MORC2: variants seen among roughly 807,000 people sequenced by gnomAD.
MORC2 encodes the protein ATPase MORC2.
MORC2 carries 30 observed loss-of-function variants against 136.0 expected under a neutral mutation model. That is an observed-to-expected ratio of 0.22 (90% CI 0.17 to 0.30). The LOEUF (loss-of-function observed/expected upper bound fraction) is 0.30. Ranked by LOEUF, MORC2 falls within the 10% of genes least tolerant of loss-of-function variation. MORC2 has a pLI of 1.00. For synonymous variants in MORC2, 439 were observed against 487.0 expected, an observed-to-expected ratio of 0.90 and a Z score of 1.30; for missense variants, 922 against 1,333.1, an observed-to-expected ratio of 0.69 and a Z score of 4.80.
intron 1 of MORC2, chr22:30,967,265 T>C (rs2041142129): frequency 1.0e-6 from 1 of 986,576 alleles, no homozygotes; most frequent in Non-Finnish European, 1.2e-6. Flanking sequence ...ACTATCTAAA[T>C]AGAGATATAA....
At chr22:30,928,309 G>T in intron 24 of MORC2, 102 bp from the exon 25 acceptor site, 2 of 1,161,128 alleles carry the variant, frequency 1.7e-6, no homozygotes, top group Non-Finnish European at 2.5e-6. Context: ...ACCCAAGGAT[G>T]CCTGGTCTGA....
intron 6 of MORC2, among the ~76,000 whole-genome samples, chr22:30,945,740 C>T (rs543324215): frequency 6.6e-6 from 1 of 152,330 alleles, no homozygotes; most frequent in East Asian, 1.9e-4. Context: ...TTAGTCCTTC[C>T]TTCCAGCATA....
chr22:30,937,648 G>A lies in MORC2; in HGVS notation c.1433C>T (p.Pro478Leu). The A allele has an allele frequency of 6.2e-7, 1 of 1,613,972 alleles. No individual in the cohort carries two copies. Among genetic ancestry groups the A allele is most frequent in the Non-Finnish European group, 8.5e-7 (1 of 1,180,026 alleles). Residue 478 changes from proline (P) to leucine (L), a missense_variant, in exon 15 of 26, where the codon CCC (proline) becomes CTC (leucine). By Grantham distance (98) the Pro-to-Leu change is moderately conservative. This residue lies in a region of MORC2 where 119 missense variants were observed against 202.7 expected (regional missense o/e 0.59). Transcript: ENST00000397641. This position sits in a 1 kb window ranked among gnomAD's most constrained non-coding sequence, Gnocchi z 4.7. Reference sequence around the variant, plus strand: ...TTTGTAACGCAGCTCACTGGATGGGGGCTGGTTCCAGTTGGCAGAGAGGTA... The same window carrying A: ...TTTGTAACGCAGCTCACTGGATGGGAGCTGGTTCCAGTTGGCAGAGAGGTA... Reference protein sequence around the residue: ...FGYLSANWNQPPSSELRYKRR... With the variant: ...FGYLSANWNQLPSSELRYKRR...
intron 1 of MORC2, among the ~76,000 whole-genome samples, chr22:30,965,513 T>C (rs2147329697): frequency 6.6e-6 from 1 of 152,380 alleles, no homozygotes; most frequent in African/African-American, 2.4e-5. Context: ...TTATACTGTC[T>C]TCTGGTAGGA....
At chr22:30,957,018 A>G (rs2040976586) in intron 2 of MORC2, among the ~76,000 whole-genome samples, 1 of 152,248 alleles carries the variant, frequency 6.6e-6, no homozygotes, top group Non-Finnish European at 1.5e-5. Flanking sequence ...ATTGAAGATG[A>G]TCACATGACA....
chr22:30,936,445 A>G, intron 17 of MORC2, 66 bp downstream of exon 17: 1 of 1,590,428 alleles, frequency 6.3e-7, no homozygotes, highest in Non-Finnish European at 8.6e-7. Flanking sequence ...AAAGCTACTG[A>G]AGGTTCCTGT....
chr22:30,944,054 G>A (rs1319483330), intron 6 of MORC2, among the ~76,000 whole-genome samples: 1 of 152,164 alleles, frequency 6.6e-6, no homozygotes, highest in East Asian at 1.9e-4. Context: ...CACCAGGCCC[G>A]GCCCATTTTG....
Position 30,935,310 on chromosome 22 carries a change from T to G in MORC2, c.1750A>C (p.Ile584Leu). 2 of 1,613,710 alleles carry G rather than the reference T, an allele frequency of 1.2e-6. No individual in the cohort carries two copies. Among genetic ancestry groups the G allele is most frequent in the Non-Finnish European group, 1.7e-6 (2 of 1,179,878 alleles). ...TTCTTCAGGTCTGCTTGGGAGCGGA[T>G]GGGTGTGGTTTTCTGCAAGGCAAAC... ...KLEALQKTTP[I>L]RSQADLKKLP... is the part of the protein sequence containing the mutation. The change falls in exon 18 of 26, where the codon ATC becomes CTC. Residue 584 changes from isoleucine to leucine, a missense_variant. This residue lies in a region of MORC2 where 119 missense variants were observed against 202.7 expected (regional missense o/e 0.59). Coordinates refer to ENST00000397641, the MANE Select transcript of MORC2 (RefSeq NM_001303256.3).
rs991299485 is a variant in MORC2, at chr22:30,938,049, T to C, written c.1214+16A>G. 1 of 1,614,124 alleles carries C rather than the reference T, an allele frequency of 6.2e-7. No homozygotes were observed. The highest frequency in any genetic ancestry group is 1.3e-5 in the African/African-American group (1 of 75,036). ...AACTATCCTGGGCTAGACAGCTCTC[T>C]GTGGGTAGTACTCACATGCCCCCTT... On this transcript the variant is annotated intron_variant, in intron 13 of 25. Coordinates refer to ENST00000397641, the MANE Select transcript of MORC2 (RefSeq NM_001303256.3).
At chr22:30,956,577 G>A (rs1165935864) in intron 3 of MORC2, among the ~76,000 whole-genome samples, 186 bp downstream of exon 3, 1 of 152,118 alleles carries the variant, frequency 6.6e-6, no homozygotes, top group African/African-American at 2.4e-5. Flanking sequence ...AATATTCTTG[G>A]TTTCTATGCC....
At chr22:30,951,874 C>T (rs1331060702) in intron 3 of MORC2, among the ~76,000 whole-genome samples, 3 of 151,222 alleles carry the variant, frequency 2.0e-5, no homozygotes, top group Non-Finnish European at 4.4e-5. Context: ...GGCGTGATCT[C>T]GGCTCACTGC....
chr22:30,947,612 G>A (rs1246607547), intron 5 of MORC2, among the ~76,000 whole-genome samples: 1 of 152,082 alleles, frequency 6.6e-6, no homozygotes, highest in Non-Finnish European at 1.5e-5. Context: ...ACTATTCAAA[G>A]ATACCCTGGG....
At chr22:30,953,555 G>C (rs2040923135) in intron 3 of MORC2, among the ~76,000 whole-genome samples, 1 of 152,190 alleles carries the variant, frequency 6.6e-6, no homozygotes, top group Admixed American at 6.5e-5. Flanking sequence ...CCCCAGGAGA[G>C]GCTGCAATAA....
At chr22:30,964,694 A>C (rs1352650615) in intron 1 of MORC2, among the ~76,000 whole-genome samples, 1 of 152,208 alleles carries the variant, frequency 6.6e-6, no homozygotes, top group Non-Finnish European at 1.5e-5. Context: ...TCAGGTTATC[A>C]CGAGAATTTA....
intron 24 of MORC2, among the ~76,000 whole-genome samples, chr22:30,930,743 C>A (rs906975019): frequency 3.3e-5 from 5 of 152,162 alleles, no homozygotes; most frequent in African/African-American, 1.2e-4. Flanking sequence ...AACCTCTTTC[C>A]TAGAAAACTT....
chr22:30,926,043 G>A lies in MORC2; in HGVS notation c.*760C>T, dbSNP rs1602468975. ...ACAAGCTCCTTCCCTAAGGAGTCCT[G>A]TGGGGTTCCACACTCAGTGTGCTGC... On this transcript the variant is annotated 3_prime_UTR_variant, in exon 26 of 26. Transcript: ENST00000397641. 1 of 152,316 alleles carries A rather than the reference G, an allele frequency of 6.6e-6. No homozygotes were observed. The highest frequency in any genetic ancestry group is 1.5e-5 in the Non-Finnish European group (1 of 68,126). 9.4% of individuals were successfully genotyped at this position (152,316 alleles called of 1,614,324 possible). A position where few individuals can be genotyped will look rare whatever the true frequency, so the allele number is the denominator to read the frequency against.
intron 5 of MORC2, among the ~76,000 whole-genome samples, chr22:30,949,060 A>G (rs1220982114): frequency 1.9e-4 from 29 of 152,188 alleles, no homozygotes; most frequent in Admixed American, 1.8e-3. Context: ...TCACAATTCC[A>G]TTTGCACAAA....
chr22:30,967,950 A>G lies in MORC2; in HGVS notation c.-61T>C. The G allele has an allele frequency of 7.3e-7, 1 of 1,366,000 alleles. No homozygotes were observed. The allele number at this position is 1,366,000 out of a possible 1,614,324, so 84.6% of individuals were successfully genotyped here. The stretch of plus-strand genomic sequence containing the variant: ...CTGGGAAATATAACCTTATAATGAT[A>G]TCGATTTCCCAGGATTCTGTCCAGT... On this transcript the variant is annotated 5_prime_UTR_variant, in exon 1 of 26. Coordinates refer to ENST00000397641, the MANE Select transcript of MORC2 (RefSeq NM_001303256.3).
chr22:30,968,375 T>C lies in MORC2; in HGVS notation c.-486A>G, dbSNP rs2041161934. 1 of 154,406 alleles carries C rather than the reference T, an allele frequency of 6.5e-6. No homozygotes were observed. The highest frequency in any genetic ancestry group is 2.4e-5 in the African/African-American group (1 of 41,458). The allele number at this position is 154,406 out of a possible 1,614,324, so 9.6% of individuals were successfully genotyped here. Reference sequence around the variant, plus strand: ...TCAGCCATGTCTTCGCCACACGTGATGCCAGGATTCTTAAACAGGCCCAAG... The same window carrying C: ...TCAGCCATGTCTTCGCCACACGTGACGCCAGGATTCTTAAACAGGCCCAAG... On this transcript the variant is annotated 5_prime_UTR_variant, in exon 1 of 26. Coordinates refer to ENST00000397641, the MANE Select transcript of MORC2 (RefSeq NM_001303256.3).
Sources: allele counts gnomAD v4.1 joint callset (sites outside exome capture counted in the v4.1 genomes callset), GRCh38; gene constraint gnomAD v4.1.1; regional missense constraint gnomAD v4.1.1; non-coding constraint Gnocchi (gnomAD v3.1); transcripts MANE v1.5; gene names NCBI Gene and HGNC (gene_info 2026-07-23, HGNC 2026-07-21).